The following CDH12 variants were observed in gnomAD, a reference collection of about 807,000 sequenced individuals.
The protein encoded by CDH12 is cadherin 12.
A neutral mutation model predicts 74.1 loss-of-function variants in CDH12; 41 were observed. The observed-to-expected ratio is 0.55, with a 90% CI of 0.43 to 0.72. CDH12 has a LOEUF of 0.72. Among genes scored for constraint, CDH12 ranks in the 30% least tolerant of loss-of-function variants. The pLI is 0.00. For synonymous variants in CDH12, 399 were observed against 355.0 expected (o/e 1.12, Z -1.39); for missense variants, 945 against 977.2 (o/e 0.97, Z 0.44).
At chr5:22,144,452 A>G (rs1414153524) in intron 4 of CDH12, among the ~76,000 whole-genome samples, 2 of 152,186 alleles carry the variant, frequency 1.3e-5, no homozygotes, top group Non-Finnish European at 2.9e-5. Context: ...TTTGTCTTCA[A>G]GTGCAATAAA....
At chr5:22,469,587 A>C (rs2662505) in intron 2 of CDH12, among the ~76,000 whole-genome samples, 65,056 of 151,962 alleles carry the variant, frequency 0.43, 14,401 homozygotes, top group Admixed American at 0.61. Flanking sequence ...TTTCCAAATA[A>C]GGTGGCATTC....
chr5:22,100,686 C>CACACACACACAT (rs1400105163), intron 4 of CDH12, among the ~76,000 whole-genome samples: 9 of 151,554 alleles, frequency 5.9e-5, no homozygotes, highest in Admixed American at 3.3e-4. Context: ...CACACACACA[C>CACACACACACAT]ATACACTCTT....
chr5:22,157,805 CTT>C (rs1748115769), intron 4 of CDH12, among the ~76,000 whole-genome samples: 1 of 151,974 alleles, frequency 6.6e-6, no homozygotes, highest in Non-Finnish European at 1.5e-5. Flanking sequence ...ATAATTAAGT[CTT>C]TAATATGCTA....
chr5:22,298,597 T>G (rs1406487407), intron 3 of CDH12, among the ~76,000 whole-genome samples: 1 of 152,140 alleles, frequency 6.6e-6, no homozygotes, highest in African/African-American at 2.4e-5. Context: ...CTTTTTTACA[T>G]AGATAAAACT....
intron 3 of CDH12, among the ~76,000 whole-genome samples, chr5:22,316,308 C>A (rs2150433365): frequency 6.6e-6 from 1 of 151,922 alleles, no homozygotes; most frequent in African/African-American, 2.4e-5. Flanking sequence ...GAGAACAACC[C>A]ATTTCCAAAT....
chr5:22,000,532 C>G (rs1316981237), intron 5 of CDH12, among the ~76,000 whole-genome samples: 1 of 152,250 alleles, frequency 6.6e-6, no homozygotes, highest in East Asian at 1.9e-4. Context: ...TCAACCTCTT[C>G]ATTCTTACTG....
At chr5:22,371,819 G>T (rs1741303727) in intron 3 of CDH12, among the ~76,000 whole-genome samples, 1 of 152,186 alleles carries the variant, frequency 6.6e-6, no homozygotes, top group Non-Finnish European at 1.5e-5. Context: ...CATGGAAAAT[G>T]AAGGAAGATT....
At chr5:22,231,608 A>C (rs1209127989) in intron 3 of CDH12, among the ~76,000 whole-genome samples, 5 of 152,000 alleles carry the variant, frequency 3.3e-5, no homozygotes, top group Non-Finnish European at 7.4e-5. Flanking sequence ...AAAACTATTA[A>C]ACTATGAGGC....
chr5:22,486,520 C>T (rs1231430527), intron 2 of CDH12, among the ~76,000 whole-genome samples: 1 of 147,752 alleles, frequency 6.8e-6, no homozygotes, highest in Non-Finnish European at 1.5e-5. Context: ...GACACGATCT[C>T]GGCTCACCGG....
At chr5:22,113,488 A>C (rs1408026939) in intron 4 of CDH12, among the ~76,000 whole-genome samples, 1 of 152,122 alleles carries the variant, frequency 6.6e-6, no homozygotes, top group Non-Finnish European at 1.5e-5. Context: ...GTTATCAATC[A>C]GAAAATGTTT....
intron 4 of CDH12, among the ~76,000 whole-genome samples, chr5:22,089,631 AT>A (rs1743295905): frequency 1.3e-5 from 2 of 152,172 alleles, no homozygotes; most frequent in Admixed American, 6.6e-5. Context: ...ACTAGATTTG[AT>A]CTGGGAGAAG....
intron 6 of CDH12, among the ~76,000 whole-genome samples, chr5:21,938,491 A>G (rs1755173466): frequency 1.4e-5 from 2 of 146,678 alleles, no homozygotes; most frequent in Non-Finnish European, 3.0e-5. Context: ...TAAATGGTAC[A>G]TAACCAATTC....
intron 4 of CDH12, among the ~76,000 whole-genome samples, chr5:22,193,711 CACAAT>C (rs1358520543): frequency 1.1e-4 from 17 of 151,070 alleles, no homozygotes; most frequent in Admixed American, 9.9e-4. Context: ...TCCATGTTTG[CACAAT>C]TGTTGATGTA....
intron 1 of CDH12, among the ~76,000 whole-genome samples, chr5:22,671,989 A>T (rs1740922313): frequency 2.2e-5 from 3 of 139,120 alleles, no homozygotes; most frequent in Admixed American, 1.5e-4. Context: ...ATATTATACC[A>T]TCTTTACTGA....
chr5:22,462,804 A>T (rs1028070913), intron 2 of CDH12, among the ~76,000 whole-genome samples: 2 of 152,232 alleles, frequency 1.3e-5, no homozygotes, highest in African/African-American at 4.8e-5. Context: ...GTGAGAAAAA[A>T]TAACAACAAT....
chr5:22,587,127 C>G (rs1432590294), intron 1 of CDH12, among the ~76,000 whole-genome samples: 1 of 152,176 alleles, frequency 6.6e-6, no homozygotes, highest in South Asian at 2.1e-4. Context: ...TGAGCCATTG[C>G]GCACAGCCTA....
chr5:22,360,779 T>C (rs139195700), intron 3 of CDH12, among the ~76,000 whole-genome samples: 11,006 of 152,066 alleles, frequency 0.072, 457 homozygotes, highest in South Asian at 0.16. Flanking sequence ...GTTCAACATA[T>C]GCAAATCAAT....
intron 3 of CDH12, among the ~76,000 whole-genome samples, chr5:22,380,562 T>C (rs1406129913): frequency 2.0e-5 from 3 of 152,218 alleles, no homozygotes; most frequent in African/African-American, 7.2e-5. Flanking sequence ...CTATGTACTT[T>C]CATAATAGAA....
rs72636102 is a variant in CDH12, at chr5:22,389,581, C to T, written c.-333+15676G>A. On this transcript the variant is annotated intron_variant, in intron 3 of 14. Transcript: ENST00000382254. The stretch of plus-strand genomic sequence containing the variant: ...ACATCAATGCAAAAACATAAATGTG[C>T]TCTGATGAGCAACTAAAATTTAGGT... Among the ~76,000 whole-genome samples the T allele has an allele frequency of 0.016, 2,384 of 151,980 alleles. 107 individuals carry two copies. The East Asian group carries it at 0.19, about 12-fold the overall frequency.
Sources: allele counts gnomAD v4.1 joint callset (sites outside exome capture counted in the v4.1 genomes callset), GRCh38; gene constraint gnomAD v4.1.1; transcripts MANE v1.5; gene names NCBI Gene and HGNC (gene_info 2026-07-23, HGNC 2026-07-21).